Variants in CTNNA3 observed in about 807,000 individuals in gnomAD.
The protein encoded by CTNNA3 is catenin alpha 3.
CTNNA3 carries 76 observed loss-of-function variants against 95.7 expected under a neutral mutation model. That is an observed-to-expected ratio of 0.79 (90% CI 0.66 to 0.96). The LOEUF (loss-of-function observed/expected upper bound fraction) is 0.96. Among genes scored for constraint, CTNNA3 ranks in the 40% least tolerant of loss-of-function variants. The pLI is 0.00. For synonymous variants in CTNNA3, 431 were observed against 374.4 expected (o/e 1.15, Z -1.74); for missense variants, 1,191 against 1,089.8 (o/e 1.09, Z -1.31).
intron 7 of CTNNA3, chr10:67,012,357 G>A (rs1239142445): frequency 1.3e-5 from 2 of 152,122 alleles, no homozygotes; most frequent in Non-Finnish European, 2.9e-5. Context: ...CTACAGGTCA[G>A]TCCTCTCTAT....
rs528761424 is a variant in CTNNA3, at chr10:66,493,599, A to ATTTTTTTTTTTTT, written c.1531+27005_1531+27017dup. Among the ~76,000 whole-genome samples the ATTTTTTTTTTTTT allele has an allele frequency of 1.3e-3, 142 of 112,016 alleles. 11 individuals carry two copies. The highest frequency in any genetic ancestry group is 7.1e-3 in the East Asian group (19 of 2,676). 73.5% of individuals were successfully genotyped at this position (112,016 alleles called of 152,430 possible). On this transcript the variant is annotated intron_variant, in intron 11 of 17. Transcript: ENST00000433211. ...GGGTTGGCTAACATTTAACTACAGT[A>ATTTTTTTTTTTTT]TTTTTTTTTTTTTTTTTTTTGAGAC...
At chr10:66,321,908 C>G (rs2092192506) in intron 12 of CTNNA3, among the ~76,000 whole-genome samples, 2 of 152,114 alleles carry the variant, frequency 1.3e-5, no homozygotes, top group African/African-American at 4.8e-5. Flanking sequence ...TTAAATAGTT[C>G]AGGAGTAGAC....
chr10:67,512,884 C>T (rs1442228722), intron 5 of CTNNA3, among the ~76,000 whole-genome samples: 1 of 151,958 alleles, frequency 6.6e-6, no homozygotes, highest in Non-Finnish European at 1.5e-5. Context: ...ACTCGGGAAG[C>T]GGAGGCAGAA....
At chr10:67,310,161 T>G (rs1840728088) in intron 5 of CTNNA3, among the ~76,000 whole-genome samples, 1 of 152,144 alleles carries the variant, frequency 6.6e-6, no homozygotes, top group Non-Finnish European at 1.5e-5. Flanking sequence ...TGGAAGATAT[T>G]TAAGTAGGAA....
At chr10:66,437,748 C>A (rs192041783) in intron 11 of CTNNA3, among the ~76,000 whole-genome samples, 1 of 152,054 alleles carries the variant, frequency 6.6e-6, no homozygotes, top group African/African-American at 2.4e-5. Context: ...CCCTTGCTGG[C>A]GAGGAGTTGT....
chr10:66,957,457 C>CAT (rs10532387), intron 7 of CTNNA3, among the ~76,000 whole-genome samples: 1 of 89,772 alleles, frequency 1.1e-5, no homozygotes, highest in African/African-American at 5.3e-5. Flanking sequence ...TATATATATG[C>CAT]ATATATATAT....
At chr10:67,250,880 A>G (rs765332699) in intron 5 of CTNNA3, among the ~76,000 whole-genome samples, 43 of 152,322 alleles carry the variant, frequency 2.8e-4, no homozygotes, top group Middle Eastern at 3.4e-3. Flanking sequence ...TTCTAGGCTG[A>G]CTGTAAAATG....
At chr10:66,955,565 C>A (rs1848743443) in intron 7 of CTNNA3, among the ~76,000 whole-genome samples, 1 of 152,096 alleles carries the variant, frequency 6.6e-6, no homozygotes, top group South Asian at 2.1e-4. Flanking sequence ...TCCTCATTGC[C>A]TCTCATAACA....
chr10:66,392,491 C>G (rs1169930316), intron 11 of CTNNA3, among the ~76,000 whole-genome samples: 1 of 151,850 alleles, frequency 6.6e-6, no homozygotes, highest in African/African-American at 2.4e-5. Flanking sequence ...TTGCAAAACA[C>G]CTATCTGATG....
chr10:67,726,425 ATT>A (rs1841220162), intron 1 of CTNNA3, among the ~76,000 whole-genome samples: 1 of 37,746 alleles, frequency 2.6e-5, no homozygotes, highest in East Asian at 1.1e-3. Flanking sequence ...AATATTATAT[ATT>A]ATATCATATA....
intron 7 of CTNNA3, among the ~76,000 whole-genome samples, chr10:67,064,989 A>G (rs1311844922): frequency 6.6e-5 from 10 of 152,172 alleles, no homozygotes; most frequent in African/African-American, 2.4e-4. Flanking sequence ...TAAAAGAGCC[A>G]TATAATTTCC....
rs189392571 is a variant in CTNNA3 at position 66,244,068 on chromosome 10, T to C, written c.1884+36402A>G. Among the ~76,000 whole-genome samples the C allele has an allele frequency of 4.7e-3, 718 of 151,618 alleles. 3 individuals are homozygous for C. The highest frequency in any genetic ancestry group is 0.016 in the African/African-American group (677 of 41,306). On this transcript the variant is annotated intron_variant, in intron 13 of 17. Transcript: ENST00000433211. ...CTTGTAGCATTTACCACAAGCTGAC[T>C]AAAGAGCCCTTGGGTCTTAAATGAA...
chr10:67,232,244 T>G (rs1589059390), intron 5 of CTNNA3, among the ~76,000 whole-genome samples: 1 of 152,078 alleles, frequency 6.6e-6, no homozygotes, highest in Non-Finnish European at 1.5e-5. Context: ...GGAAAAAATG[T>G]TAAGGGCAGC....
At chr10:66,003,969 C>G (rs1195309041) in intron 15 of CTNNA3, among the ~76,000 whole-genome samples, 1 of 152,158 alleles carries the variant, frequency 6.6e-6, no homozygotes, top group Non-Finnish European at 1.5e-5. Context: ...CCACTCTGTT[C>G]CTAAAATCTA....
intron 12 of CTNNA3, among the ~76,000 whole-genome samples, chr10:66,296,618 C>G (rs1441772327): frequency 2.0e-5 from 3 of 151,508 alleles, no homozygotes; most frequent in Non-Finnish European, 4.4e-5. Context: ...TATCTATACA[C>G]ACACACACAC....
chr10:66,518,036 T>C (rs932584352), intron 11 of CTNNA3, among the ~76,000 whole-genome samples: 2 of 152,162 alleles, frequency 1.3e-5, no homozygotes, highest in African/African-American at 4.8e-5. Flanking sequence ...AAGTCCTCCG[T>C]TTGCTAGGGC....
At chr10:66,779,346 TTTTCTTTCTTTTCTTTCTC>T (rs1840438373) in intron 7 of CTNNA3, among the ~76,000 whole-genome samples, 1 of 18,844 alleles carries the variant, frequency 5.3e-5, no homozygotes, top group South Asian at 2.0e-3. Context: ...TCCTTCTTTC[TTTTCTTTCTTTTCTTTCTC>T]TTTCTTTCTT....
chr10:66,246,087 AC>A (rs2090311815), intron 13 of CTNNA3, among the ~76,000 whole-genome samples: 1 of 151,988 alleles, frequency 6.6e-6, no homozygotes, highest in Non-Finnish European at 1.5e-5. Flanking sequence ...CCAGGGATGT[AC>A]CCCCTTCCAC....
At chr10:66,925,563 C>T (rs1486036587) in intron 7 of CTNNA3, among the ~76,000 whole-genome samples, 1 of 152,142 alleles carries the variant, frequency 6.6e-6, no homozygotes, top group East Asian at 1.9e-4. Context: ...CCCTCTATTC[C>T]AAAATGTTTG....
Sources: gnomAD v4.1 joint callset for allele counts (sites outside exome capture counted in the v4.1 genomes callset) on GRCh38, gnomAD v4.1.1 for gene constraint, MANE v1.5 for transcripts, NCBI Gene and HGNC (gene_info 2026-07-23, HGNC 2026-07-21) for gene names.